Variants in CDKL1 observed in about 807,000 individuals in gnomAD.
CDKL1 encodes the protein cyclin dependent kinase like 1.
CDKL1 carries 41 observed loss-of-function variants against 42.0 expected under a neutral mutation model. The ratio of observed to expected loss-of-function variants is 0.98; its 90% CI spans 0.76 to 1.27. The LOEUF (loss-of-function observed/expected upper bound fraction) is 1.27. Ranked by LOEUF, CDKL1 falls within the 50% of genes most tolerant of loss-of-function variation. CDKL1 has a pLI of 0.00. For synonymous variants in CDKL1, 153 were observed against 158.6 expected, an observed-to-expected ratio of 0.96 and a Z score of 0.26; for missense variants, 394 against 428.4, an observed-to-expected ratio of 0.92 and a Z score of 0.71.
chr14:50,393,198 T>C (rs1345482773), intron 2 of CDKL1, among the ~76,000 whole-genome samples: 2 of 152,164 alleles, frequency 1.3e-5, no homozygotes, highest in Admixed American at 6.5e-5. Flanking sequence ...AATCACTTTA[T>C]TTTCACCATT....
chr14:50,340,312 G>A (rs2033465958), intron 6 of CDKL1, among the ~76,000 whole-genome samples: 1 of 152,196 alleles, frequency 6.6e-6, no homozygotes. Context: ...GTATCTTTGG[G>A]AAGATAAGAT....
chr14:50,358,556 T>C (rs943797156), intron 3 of CDKL1, among the ~76,000 whole-genome samples: 7 of 151,998 alleles, frequency 4.6e-5, no homozygotes, highest in Non-Finnish European at 7.4e-5. Flanking sequence ...TTTATCCTTT[T>C]GTAACATTTT....
rs911778492 is a variant in CDKL1 at position 50,372,332 on chromosome 14, G to A, written c.169-13183C>T. ...AGAGTTTTGCCATGTTGGCCAGACT[G>A]GTCTCAAACTCCTGACCTCAGGTGA... On this transcript the variant is annotated intron_variant, in intron 2 of 9. Coordinates refer to ENST00000395834, the MANE Select transcript of CDKL1 (RefSeq NM_004196.7). 3.3e-5 allele frequency among the ~76,000 whole-genome samples: 5 copies of A among 152,062 alleles called. No homozygotes were observed. In the South Asian group the frequency reaches 6.2e-4, roughly 19 times the overall value.
intron 3 of CDKL1, among the ~76,000 whole-genome samples, chr14:50,346,660 T>TTG (rs1199077535): frequency 2.0e-5 from 3 of 149,966 alleles, no homozygotes; most frequent in African/African-American, 7.4e-5. Context: ...TGGTTTTTTT[T>TTG]TTTTTTTTGA....
chr14:50,329,673 C>T lies in CDKL1; in HGVS notation c.*401G>A, dbSNP rs1235745146. ...ACAATCTGAGAGGCAGGAGATAGGACTCAGGCAACAGAGATCCGAGGAAAT... is the reference window on the plus strand; with the variant it reads ...ACAATCTGAGAGGCAGGAGATAGGATTCAGGCAACAGAGATCCGAGGAAAT... On this transcript the variant is annotated 3_prime_UTR_variant, in exon 10 of 10. Coordinates refer to ENST00000395834, the MANE Select transcript of CDKL1 (RefSeq NM_004196.7). 6.1e-6 allele frequency: 1 copy of T among 163,316 alleles called. No homozygotes were observed. Among genetic ancestry groups the T allele is most frequent in the Non-Finnish European group, 1.3e-5 (1 of 75,534 alleles). 10.1% of individuals were successfully genotyped at this position (163,316 alleles called of 1,614,324 possible).
Position 50,378,391 on chromosome 14 carries a change from C to T in CDKL1, c.168+17310G>A, listed in dbSNP as rs750178159. ...GACCTGCCTCATAGGTACCAGCAGC[C>T]GTCTTGAAGGGGCTGGGCCGTGATA... is the stretch of plus-strand genomic sequence containing the variant. On this transcript the variant is annotated intron_variant, in intron 2 of 9. Coordinates refer to ENST00000395834, the MANE Select transcript of CDKL1 (RefSeq NM_004196.7). 3.7e-5 allele frequency: 50 copies of T among 1,366,276 alleles called. 1 individual carries two copies. The South Asian group carries it at 4.7e-4, about 13-fold the overall frequency. The allele number at this position is 1,366,276 out of a possible 1,614,324, so 84.6% of individuals were successfully genotyped here. A position where few individuals can be genotyped will look rare whatever the true frequency, so the allele number is the denominator to read the frequency against.
At chr14:50,397,065 C>T (rs761659518), upstream of CDKL1, 3 of 1,332,016 alleles carry the variant, frequency 2.3e-6, no homozygotes, top group Non-Finnish European at 3.0e-6. Context: ...GACCGCGGGC[C>T]GAGTCCTGCT....
chr14:50,372,788 T>C (rs1347391557), intron 2 of CDKL1, among the ~76,000 whole-genome samples: 1 of 152,222 alleles, frequency 6.6e-6, no homozygotes, highest in Non-Finnish European at 1.5e-5. Context: ...GAAAAGACTA[T>C]GCTTTTCCCA....
At chr14:50,378,436 G>A (rs2034798972) in intron 2 of CDKL1, 8 of 1,365,844 alleles carry the variant, frequency 5.9e-6, no homozygotes, top group Non-Finnish European at 7.8e-6. Context: ...TGTAAGGCTG[G>A]AAAAGGGGAA....
At position 50,354,116 on chromosome 14, in the gene CDKL1, G is replaced by A. The variant is rs931875613; in HGVS notation, c.290+4912C>T. On this transcript the variant is annotated intron_variant, in intron 3 of 9. Coordinates refer to ENST00000395834, the MANE Select transcript of CDKL1 (RefSeq NM_004196.7). ...ATTACAGGCGCCCACCACAATGCCC[G>A]GCTAATTTTTGTATTTTTAGTAGAG... is the stretch of plus-strand genomic sequence containing the variant. Among the ~76,000 whole-genome samples the A allele has an allele frequency of 5.9e-5, 9 of 151,654 alleles. No individual in the cohort carries two copies. In the East Asian group the frequency reaches 7.7e-4, roughly 13 times the overall value.
chr14:50,377,876 C>A, intron 2 of CDKL1: 3 of 490,608 alleles, frequency 6.1e-6, no homozygotes, highest in Non-Finnish European at 9.7e-6. Context: ...CTGTGGGAGT[C>A]AGGAGGCCTT....
At chr14:50,347,727 G>A (rs1224533535) in intron 3 of CDKL1, among the ~76,000 whole-genome samples, 1 of 152,162 alleles carries the variant, frequency 6.6e-6, no homozygotes, top group Admixed American at 6.5e-5. Context: ...ATATGAGTTT[G>A]AGAAGCATAG....
At chr14:50,335,691 C>A in intron 7 of CDKL1, 1 of 1,478,406 alleles carries the variant, frequency 6.8e-7, no homozygotes, top group Admixed American at 2.2e-5. Context: ...AAATAAGTGA[C>A]TGCAGTGCAT....
intron 2 of CDKL1, chr14:50,363,070 C>T (rs2082332331): frequency 2.5e-6 from 1 of 397,250 alleles, no homozygotes; most frequent in African/African-American, 2.1e-5. Flanking sequence ...AACACACTGC[C>T]TTAAGAGCTG....
In CDKL1 at chr14:50,376,534, A is replaced by C. The variant is rs527738784; in HGVS notation, c.169-17385T>G. On this transcript the variant is annotated intron_variant, in intron 2 of 9. Coordinates refer to ENST00000395834, the MANE Select transcript of CDKL1 (RefSeq NM_004196.7). ...AATAAATATTATGCAGGTATTAAGA[A>C]AGTACAATTAATAGAGGCCTATCTA... 9 of 271,934 alleles carry C rather than the reference A, an allele frequency of 3.3e-5. No homozygotes were observed. The South Asian group carries it at 4.2e-4, about 13-fold the overall frequency. 16.8% of individuals were successfully genotyped at this position (271,934 alleles called of 1,614,324 possible).
At chr14:50,359,354 G>C (rs2034166272) in intron 2 of CDKL1, among the ~76,000 whole-genome samples, 1 of 151,930 alleles carries the variant, frequency 6.6e-6, no homozygotes, top group Non-Finnish European at 1.5e-5. Context: ...ACAGGTGGTT[G>C]GTGAGGGCAA....
At chr14:50,361,980 AG>A (rs748969914) in intron 2 of CDKL1, among the ~76,000 whole-genome samples, 27 of 152,186 alleles carry the variant, frequency 1.8e-4, no homozygotes, top group Non-Finnish European at 3.7e-4. Flanking sequence ...GGAACCGGCG[AG>A]TTCCGGGTGG....
At chr14:50,397,117 C>T (rs543432490), upstream of CDKL1, 27 of 1,363,882 alleles carry the variant, frequency 2.0e-5, no homozygotes, top group Admixed American at 3.8e-4. Context: ...CTTCCGCAGG[C>T]CGTGCAAAGC....
intron 9 of CDKL1, chr14:50,331,900 T>C: frequency 1.2e-6 from 1 of 862,478 alleles, no homozygotes. Flanking sequence ...GTTTTAATAC[T>C]AAAAGTGTAC....
Sources: gnomAD v4.1 joint callset for allele counts (sites outside exome capture counted in the v4.1 genomes callset) on GRCh38, gnomAD v4.1.1 for gene constraint, MANE v1.5 for transcripts, NCBI Gene and HGNC (gene_info 2026-07-23, HGNC 2026-07-21) for gene names.